Variants in ERC2 observed in about 807,000 individuals in gnomAD.
ERC2 encodes the protein ERC protein 2.
A neutral mutation model predicts 114.8 loss-of-function variants in ERC2; 42 were observed. That is an observed-to-expected ratio of 0.37 (90% CI 0.29 to 0.47). The LOEUF (loss-of-function observed/expected upper bound fraction) is 0.47, where lower values mean the gene tolerates loss of function less well. ERC2 is among the 20% of genes least tolerant of loss of function. The pLI, the probability that ERC2 is intolerant of heterozygous loss-of-function variation, is 0.99. For synonymous variants in ERC2, 454 were observed against 425.5 expected (o/e 1.07, Z -0.82); for missense variants, 939 against 1,150.7 (o/e 0.82, Z 2.66).
chr3:56,048,343 G>T (rs1560086258), intron 7 of ERC2, among the ~76,000 whole-genome samples: 1 of 152,138 alleles, frequency 6.6e-6, no homozygotes, highest in Non-Finnish European at 1.5e-5. Context: ...ACAGACAAGG[G>T]TCACATTGCT....
At chr3:56,423,524 T>C (rs2061459466) in intron 2 of ERC2, among the ~76,000 whole-genome samples, 1 of 152,224 alleles carries the variant, frequency 6.6e-6, no homozygotes, top group South Asian at 2.1e-4. Flanking sequence ...ACTACCAAGT[T>C]AACTTTATCA....
At chr3:55,958,082 T>C (rs985659034) in intron 12 of ERC2, among the ~76,000 whole-genome samples, 3 of 152,034 alleles carry the variant, frequency 2.0e-5, no homozygotes, top group South Asian at 2.1e-4. Flanking sequence ...AACTGGAGGG[T>C]GAGCAAGGTA....
intron 14 of ERC2, among the ~76,000 whole-genome samples, chr3:55,846,693 TTC>T (rs34647203): frequency 0.038 from 5,455 of 142,636 alleles, 103 homozygotes; most frequent in South Asian, 0.085. Context: ...CTCTCTCTCT[TTC>T]TCTCTCTCTC....
intron 1 of ERC2, 35 bp from the exon 2 acceptor site, chr3:56,435,182 T>C (rs1490476564): frequency 1.7e-6 from 1 of 589,834 alleles, no homozygotes; most frequent in Non-Finnish European, 3.0e-6. Flanking sequence ...TAAAAACAAA[T>C]TTCTTTAGAA....
At chr3:56,127,727 G>GAAAA (rs202062338) in intron 6 of ERC2, among the ~76,000 whole-genome samples, 1 of 81,448 alleles carries the variant, frequency 1.2e-5, no homozygotes. Flanking sequence ...TGTCTCAAAA[G>GAAAA]AAAAAAAAAA....
intron 3 of ERC2, among the ~76,000 whole-genome samples, chr3:56,263,501 C>T (rs1003002668): frequency 1.3e-5 from 2 of 152,120 alleles, no homozygotes; most frequent in African/African-American, 2.4e-5. Flanking sequence ...AGCAGCCCCC[C>T]GCAGAGAAAA....
intron 7 of ERC2, among the ~76,000 whole-genome samples, chr3:56,037,535 G>A (rs966963080): frequency 1.8e-4 from 27 of 152,184 alleles, no homozygotes; most frequent in Admixed American, 1.8e-3. Context: ...CAAAAGCTCT[G>A]AGAACTATGG....
chr3:56,106,968 T>C (rs530920448), intron 6 of ERC2, among the ~76,000 whole-genome samples: 1 of 152,328 alleles, frequency 6.6e-6, no homozygotes, highest in African/African-American at 2.4e-5. Context: ...GATCAGGTGT[T>C]AGGCCCAGCC....
chr3:56,214,523 T>G (rs957598525), intron 3 of ERC2, among the ~76,000 whole-genome samples: 8 of 152,116 alleles, frequency 5.3e-5, no homozygotes, highest in Admixed American at 2.6e-4. Context: ...CTGATTGGTG[T>G]ACCTGAAAGT....
chr3:56,132,237 G>A (rs1393296816), intron 6 of ERC2, among the ~76,000 whole-genome samples: 3 of 152,170 alleles, frequency 2.0e-5, no homozygotes, highest in African/African-American at 7.2e-5. Context: ...AGAACTGGGG[G>A]ACAGAGGGCC....
intron 14 of ERC2, among the ~76,000 whole-genome samples, chr3:55,871,301 A>G (rs1316398898): frequency 6.6e-6 from 1 of 152,192 alleles, no homozygotes; most frequent in Non-Finnish European, 1.5e-5. Context: ...AACCATGAAG[A>G]AGTGAATTTT....
At chr3:56,230,639 G>A (rs544179041) in intron 3 of ERC2, among the ~76,000 whole-genome samples, 46 of 146,560 alleles carry the variant, frequency 3.1e-4, no homozygotes, top group Non-Finnish European at 5.0e-4. Context: ...CATTGCTCAG[G>A]AAAAAAAAAA....
At chr3:55,993,722 A>G (rs1482796717) in intron 10 of ERC2, among the ~76,000 whole-genome samples, 1 of 151,806 alleles carries the variant, frequency 6.6e-6, no homozygotes, top group African/African-American at 2.4e-5. Flanking sequence ...ACACACTATC[A>G]GGTACTGGTT....
At chr3:55,584,399 T>C (rs556035238) in intron 17 of ERC2, among the ~76,000 whole-genome samples, 1 of 152,202 alleles carries the variant, frequency 6.6e-6, no homozygotes, top group South Asian at 2.1e-4. Context: ...CAACAATGGC[T>C]GCTATGACTA....
intron 13 of ERC2, among the ~76,000 whole-genome samples, chr3:55,899,639 A>G (rs2064027886): frequency 6.6e-6 from 1 of 152,206 alleles, no homozygotes. Context: ...CGTAAAGGAA[A>G]GATGCTCATG....
intron 15 of ERC2, among the ~76,000 whole-genome samples, chr3:55,706,571 T>G (rs1047583330): frequency 7.9e-5 from 12 of 151,866 alleles, no homozygotes; most frequent in Non-Finnish European, 2.9e-5. Context: ...TATTTTATTT[T>G]ATTTTATTTT....
At chr3:55,975,648 G>A (rs560209430) in intron 12 of ERC2, among the ~76,000 whole-genome samples, 5 of 152,250 alleles carry the variant, frequency 3.3e-5, no homozygotes, top group African/African-American at 9.6e-5. Context: ...AGATGGTTCA[G>A]GATTAATCCT....
chr3:55,732,187 C>T (rs2065291902), intron 15 of ERC2, among the ~76,000 whole-genome samples: 1 of 152,148 alleles, frequency 6.6e-6, no homozygotes, highest in South Asian at 2.1e-4. Flanking sequence ...GACAACATCT[C>T]TGAGGGACAC....
intron 3 of ERC2, among the ~76,000 whole-genome samples, chr3:56,178,016 C>A (rs1047027493): frequency 6.6e-6 from 1 of 152,180 alleles, no homozygotes; most frequent in African/African-American, 2.4e-5. Flanking sequence ...ACAAGGTTGG[C>A]TTTAGCTAGT....
Sources: allele counts gnomAD v4.1 joint callset (sites outside exome capture counted in the v4.1 genomes callset), GRCh38; gene constraint gnomAD v4.1.1; transcripts MANE v1.5; gene names NCBI Gene and HGNC (gene_info 2026-07-23, HGNC 2026-07-21).